The following DMD variants were observed in gnomAD, a reference collection of about 807,000 sequenced individuals.
The protein encoded by DMD is mutant dystrophin.
Under a neutral mutation model 330.1 loss-of-function variants are expected in DMD, and 63 were observed. The observed-to-expected ratio is 0.19, with a 90% confidence interval of 0.16 to 0.24. The LOEUF (loss-of-function observed/expected upper bound fraction) is 0.24. DMD is among the 10% of genes least tolerant of loss of function. DMD has a pLI of 1.00. For missense variants in DMD, 3,344 were observed against 2,684.1 expected (o/e 1.25, Z -5.43); for synonymous variants, 1,223 against 959.8 (o/e 1.27, Z -5.07).
At chrX:31,741,433 T>C (rs1472030098) in intron 51 of DMD, among the ~76,000 whole-genome samples, 2 of 112,033 alleles carry the variant, frequency 1.8e-5, no homozygotes, top group Non-Finnish European at 3.8e-5. Flanking sequence ...AAGTGACTTC[T>C]TGATCCAAGG....
chrX:31,171,196 T>TTTTG (rs756215864), intron 73 of DMD, among the ~76,000 whole-genome samples: 2 of 112,008 alleles, frequency 1.8e-5, no homozygotes, highest in African/African-American at 3.2e-5. Context: ...GGAAAGGCTT[T>TTTTG]TTTGTTTGTT....
chrX:32,391,584 T>C (rs950940318), intron 30 of DMD, among the ~76,000 whole-genome samples: 1 of 112,425 alleles, frequency 8.9e-6, no homozygotes, highest in African/African-American at 3.2e-5. Flanking sequence ...CAAATACGCA[T>C]ATAAATGTAT....
intron 21 of DMD, among the ~76,000 whole-genome samples, chrX:32,481,696 G>A (rs754262198): frequency 8.6e-4 from 96 of 111,497 alleles, no homozygotes; most frequent in African/African-American, 3.0e-3. Context: ...ACATTCTCCA[G>A]GTTTGGTTCT....
chrX:31,728,161 T>G (rs1367652262), intron 52 of DMD, among the ~76,000 whole-genome samples: 2 of 111,706 alleles, frequency 1.8e-5, no homozygotes, highest in South Asian at 7.4e-4. Flanking sequence ...TAGCTGGGAC[T>G]ACAGGCGCCC....
chrX:32,654,085 G>C (rs2060377712), intron 9 of DMD, among the ~76,000 whole-genome samples: 1 of 111,733 alleles, frequency 8.9e-6, no homozygotes, highest in African/African-American at 3.3e-5. Flanking sequence ...ATACAATCAT[G>C]TCATCTGCAA....
At chrX:32,923,476 G>A (rs765326253) in intron 2 of DMD, among the ~76,000 whole-genome samples, 3 of 109,832 alleles carry the variant, frequency 2.7e-5, no homozygotes, top group African/African-American at 6.6e-5. Context: ...TGGGAGAATC[G>A]CTTAACCCCG....
intron 1 of DMD, among the ~76,000 whole-genome samples, chrX:33,305,870 G>T (rs1276130075): frequency 8.9e-6 from 1 of 111,832 alleles, no homozygotes; most frequent in African/African-American, 3.3e-5. Context: ...AATATTTCCT[G>T]GTTGAGTGTT....
chrX:31,238,460 A>G (rs187004967), intron 63 of DMD, among the ~76,000 whole-genome samples: 1 of 112,183 alleles, frequency 8.9e-6, no homozygotes, highest in African/African-American at 3.2e-5. Flanking sequence ...CTGTAGAGCC[A>G]AAGAGAAAAA....
chrX:31,479,523 CCTTAGG>C (rs1407744238), intron 57 of DMD, among the ~76,000 whole-genome samples: 1 of 112,165 alleles, frequency 8.9e-6, no homozygotes, highest in Non-Finnish European at 1.9e-5. Context: ...ATTTGCAGGA[CCTTAGG>C]CTATATTAAA....
chrX:32,875,416 A>G (rs2083299118), intron 2 of DMD, among the ~76,000 whole-genome samples: 1 of 112,033 alleles, frequency 8.9e-6, no homozygotes, highest in Non-Finnish European at 1.9e-5. Flanking sequence ...GAGAAACTCT[A>G]TGCAAAGTGT....
Position 31,994,776 on chromosome X carries a change from C to T in DMD, c.6439-26262G>A, listed in dbSNP as rs770475251. ...AGTAGGCACCTGCTTTATATCTGCC[C>T]TTAGCACTCCGGATTAATCGCACAT... On this transcript the variant is annotated intron_variant, in intron 44 of 78. Transcript: ENST00000357033. Among the ~76,000 whole-genome samples, 3 of 111,984 alleles carry T rather than the reference C, an allele frequency of 2.7e-5. No homozygotes were observed. In the South Asian group the frequency reaches 1.1e-3, roughly 42 times the overall value.
At chrX:32,048,841 G>T (rs1187432748) in intron 44 of DMD, among the ~76,000 whole-genome samples, 1 of 111,237 alleles carries the variant, frequency 9.0e-6, no homozygotes, top group Non-Finnish European at 1.9e-5. Flanking sequence ...ATATTTTGAT[G>T]TATAAAAATA....
chrX:32,329,576 T>A (rs950404159), intron 41 of DMD, among the ~76,000 whole-genome samples: 4 of 112,275 alleles, frequency 3.6e-5, no homozygotes, highest in Non-Finnish European at 7.5e-5. Context: ...AAGCAAGAAA[T>A]GAAAATATAG....
intron 74 of DMD, among the ~76,000 whole-genome samples, chrX:31,154,754 A>C (rs1230124940): frequency 8.9e-6 from 1 of 111,738 alleles, no homozygotes; most frequent in Non-Finnish European, 1.9e-5. Flanking sequence ...AGATGAATAT[A>C]TGTCAGTGAT....
At chrX:31,917,137 G>T (rs73466100) in intron 47 of DMD, among the ~76,000 whole-genome samples, 3 of 111,200 alleles carry the variant, frequency 2.7e-5, no homozygotes, top group Non-Finnish European at 1.9e-5. Context: ...TTGAAATTAG[G>T]GGGGGAAATG....
At chrX:31,155,185 GTAACTATTA>G in intron 74 of DMD, among the ~76,000 whole-genome samples, 1 of 112,078 alleles carries the variant, frequency 8.9e-6, no homozygotes, top group Non-Finnish European at 1.9e-5. Flanking sequence ...TCTAGCAATC[GTAACTATTA>G]TGTATGATAA....
intron 44 of DMD, among the ~76,000 whole-genome samples, chrX:32,167,545 C>T (rs547311159): frequency 2.7e-5 from 3 of 112,322 alleles, no homozygotes; most frequent in African/African-American, 9.7e-5. Flanking sequence ...CATAACATTA[C>T]ATCTTATTAT....
intron 1 of DMD, among the ~76,000 whole-genome samples, chrX:33,265,556 TA>T (rs1218382102): frequency 2.7e-5 from 3 of 111,447 alleles, no homozygotes; most frequent in African/African-American, 9.7e-5. Flanking sequence ...ATTGATAATT[TA>T]AAAAATGATT....
intron 55 of DMD, among the ~76,000 whole-genome samples, chrX:31,537,836 C>A (rs1330228791): frequency 8.9e-6 from 1 of 112,137 alleles, no homozygotes; most frequent in East Asian, 2.8e-4. Context: ...GTAGCACTAT[C>A]ATAGTAATAC....
Sources: gnomAD v4.1 joint callset for allele counts (sites outside exome capture counted in the v4.1 genomes callset) on GRCh38, gnomAD v4.1.1 for gene constraint, MANE v1.5 for transcripts, NCBI Gene and HGNC (gene_info 2026-07-23, HGNC 2026-07-21) for gene names.